XYLT1: variants seen among roughly 807,000 people sequenced by gnomAD.
XYLT1 encodes xylosyltransferase 1.
In XYLT1, 36 loss-of-function variants were observed where a neutral mutation model predicts 91.3. That is an observed-to-expected ratio of 0.39 (90% CI 0.30 to 0.52). XYLT1 has a LOEUF of 0.52. Among genes scored for constraint, XYLT1 ranks in the 20% least tolerant of loss-of-function variants. XYLT1 has a pLI of 0.68. For missense variants in XYLT1, 1,242 were observed against 1,284.5 expected, an observed-to-expected ratio of 0.97 and a Z score of 0.51; for synonymous variants, 588 against 532.0, an observed-to-expected ratio of 1.11 and a Z score of -1.45.
At chr16:17,169,903 A>C (rs2031785710) in intron 5 of XYLT1, among the ~76,000 whole-genome samples, 1 of 152,206 alleles carries the variant, frequency 6.6e-6, no homozygotes, top group African/African-American at 2.4e-5. Context: ...GAAAGATTGA[A>C]TCTTAAAAGT....
At chr16:17,420,721 A>G (rs2036240736) in intron 1 of XYLT1, among the ~76,000 whole-genome samples, 1 of 152,130 alleles carries the variant, frequency 6.6e-6, no homozygotes, top group African/African-American at 2.4e-5. Flanking sequence ...TGTTCTTTCT[A>G]TTGAATGTGT....
intron 2 of XYLT1, among the ~76,000 whole-genome samples, chr16:17,275,652 C>T (rs2033962210): frequency 6.6e-6 from 1 of 152,204 alleles, no homozygotes; most frequent in Non-Finnish European, 1.5e-5. Flanking sequence ...TATTTGTCCC[C>T]TGGTTTTATT....
intron 1 of XYLT1, among the ~76,000 whole-genome samples, chr16:17,465,561 G>T (rs78120573): frequency 1.2e-5 from 1 of 82,338 alleles, no homozygotes; most frequent in East Asian, 3.7e-4. Context: ...TTTTTTGGGG[G>T]GGGGGGGGGT....
At chr16:17,362,632 CAAAG>C (rs911926459) in intron 1 of XYLT1, among the ~76,000 whole-genome samples, 2 of 152,200 alleles carry the variant, frequency 1.3e-5, no homozygotes, top group African/African-American at 4.8e-5. Context: ...TAAGCCCCAA[CAAAG>C]AAAGTAGAGA....
chr16:17,198,408 T>C lies in XYLT1; in HGVS notation c.1093A>G (p.Asn365Asp). 1.2e-6 allele frequency: 2 copies of C among 1,614,034 alleles called. No homozygotes were observed. The highest frequency in any genetic ancestry group is 1.7e-6 in the Non-Finnish European group (2 of 1,179,926). Residue 365 changes from asparagine to aspartate, a missense_variant, in exon 5 of 12, where the codon AAT becomes GAT. This residue lies in a region of XYLT1 where 294 missense variants were observed against 376.0 expected (regional missense o/e 0.78). Transcript: ENST00000261381. The stretch of plus-strand genomic sequence containing the variant: ...TGGAGCACTTGCCGATGCAGGTAAT[T>C]AGAGCGCTTTTCCCAGGAGAGAAAG... ...FYYIHVDKRSNYLHRQVLQVS... is the reference protein window; with the variant it reads ...FYYIHVDKRSDYLHRQVLQVS...
Position 17,127,717 on chromosome 16 carries a change from G to T in XYLT1, c.2172C>A (p.Val724=). The T allele has an allele frequency of 1.2e-6, 2 of 1,614,176 alleles. No homozygotes were observed. The highest frequency in any genetic ancestry group is 1.7e-6 in the Non-Finnish European group (2 of 1,180,046). ...TLETWVMPKK[V]FKIASPPSDF... Reference sequence around the variant, plus strand: ...CACTGGGTGGGCTTGCGATCTTGAAGACTTTTTTCGGCATCACCCAGGTCT... The same window carrying T: ...CACTGGGTGGGCTTGCGATCTTGAATACTTTTTTCGGCATCACCCAGGTCT... The change falls in exon 10 of 12, where the codon GTC becomes GTA. Residue 724 remains valine, a synonymous_variant. Coordinates refer to ENST00000261381, the MANE Select transcript of XYLT1 (RefSeq NM_022166.4).
intron 1 of XYLT1, among the ~76,000 whole-genome samples, chr16:17,397,398 C>T (rs1400965145): frequency 3.3e-5 from 5 of 152,154 alleles, no homozygotes; most frequent in Non-Finnish European, 5.9e-5. Context: ...CCCGAGACAA[C>T]ATTGGATGGC....
intron 2 of XYLT1, among the ~76,000 whole-genome samples, chr16:17,310,036 T>C (rs573449502): frequency 9.6e-4 from 146 of 152,246 alleles, no homozygotes; most frequent in Non-Finnish European, 1.9e-3. Context: ...AAAGATGGGA[T>C]CAGATTGAAA....
At chr16:17,131,503 T>C (rs1218987020) in intron 9 of XYLT1, among the ~76,000 whole-genome samples, 1 of 152,200 alleles carries the variant, frequency 6.6e-6, no homozygotes, top group Non-Finnish European at 1.5e-5. Flanking sequence ...CAGGTTCCCA[T>C]GGTCAGCCCA....
chr16:17,257,595 A>T (rs1228080777), intron 3 of XYLT1, among the ~76,000 whole-genome samples: 2 of 152,160 alleles, frequency 1.3e-5, no homozygotes, highest in African/African-American at 4.8e-5. Flanking sequence ...GGCGTGCCCT[A>T]AACAACAGTG....
chr16:17,358,106 C>T (rs2035328206), intron 1 of XYLT1, 56 bp from the exon 2 acceptor site: 2 of 1,519,252 alleles, frequency 1.3e-6, no homozygotes, highest in Non-Finnish European at 1.8e-6. Flanking sequence ...TAACTTACTA[C>T]CCCAGCATCT....
intron 2 of XYLT1, among the ~76,000 whole-genome samples, chr16:17,282,180 C>A (rs2034067761): frequency 6.6e-6 from 1 of 152,182 alleles, no homozygotes; most frequent in African/African-American, 2.4e-5. Context: ...CCCTAGGGGG[C>A]AAACACAGTC....
At chr16:17,370,590 T>C (rs1158325870) in intron 1 of XYLT1, among the ~76,000 whole-genome samples, 3 of 152,188 alleles carry the variant, frequency 2.0e-5, no homozygotes, top group Non-Finnish European at 4.4e-5. Flanking sequence ...AGCAGTGGCC[T>C]CTGTTTAGCC....
At chr16:17,126,204 C>T (rs2030254692) in intron 10 of XYLT1, among the ~76,000 whole-genome samples, 1 of 152,202 alleles carries the variant, frequency 6.6e-6, no homozygotes, top group Non-Finnish European at 1.5e-5. Context: ...GTAGTGAGGA[C>T]CATCCCCCAA....
At chr16:17,239,684 A>G (rs2033314811) in intron 3 of XYLT1, among the ~76,000 whole-genome samples, 1 of 148,328 alleles carries the variant, frequency 6.7e-6, no homozygotes, top group Non-Finnish European at 1.5e-5. Flanking sequence ...CCATTCATCC[A>G]TTCATCCATC....
intron 1 of XYLT1, among the ~76,000 whole-genome samples, chr16:17,435,189 T>C (rs2036441524): frequency 6.6e-6 from 1 of 152,200 alleles, no homozygotes; most frequent in African/African-American, 2.4e-5. Flanking sequence ...GAAGTGTCAG[T>C]ACATTAAGAA....
At chr16:17,300,616 C>T (rs568903586) in intron 2 of XYLT1, among the ~76,000 whole-genome samples, 2 of 148,848 alleles carry the variant, frequency 1.3e-5, no homozygotes, top group East Asian at 3.9e-4. Flanking sequence ...GCCACCATAC[C>T]TGGCTAATTT....
At chr16:17,240,801 A>C (rs546190838) in intron 3 of XYLT1, among the ~76,000 whole-genome samples, 126 of 152,342 alleles carry the variant, frequency 8.3e-4, no homozygotes, top group Non-Finnish European at 1.4e-3. Flanking sequence ...TCCATTTAGG[A>C]GAACCTGTTG....
intron 2 of XYLT1, among the ~76,000 whole-genome samples, chr16:17,356,418 G>A (rs1339266784): frequency 6.6e-6 from 1 of 152,112 alleles, no homozygotes; most frequent in East Asian, 1.9e-4. Context: ...TGCCGGCCCT[G>A]GCGCCTGGTC....
Sources: gnomAD v4.1 joint callset for allele counts (sites outside exome capture counted in the v4.1 genomes callset) on GRCh38, gnomAD v4.1.1 for gene constraint, gnomAD v4.1.1 regional missense constraint, MANE v1.5 for transcripts, NCBI Gene and HGNC (gene_info 2026-07-23, HGNC 2026-07-21) for gene names.